APBB2: variants seen among roughly 807,000 people sequenced by gnomAD.
APBB2 encodes the protein amyloid beta precursor protein binding family B member 2.
A neutral mutation model predicts 82.5 loss-of-function variants in APBB2; 38 were observed. The observed-to-expected ratio is 0.46, with a 90% CI of 0.36 to 0.60. The LOEUF is 0.60. APBB2 is among the 20% of genes least tolerant of loss of function. APBB2 has a pLI of 0.00. For missense variants in APBB2, 772 were observed against 972.3 expected (o/e 0.79, Z 2.74); for synonymous variants, 341 against 368.2 (o/e 0.93, Z 0.85).
In APBB2 at chr4:41,062,242, G is replaced by A. The variant is rs541812340; in HGVS notation, c.-51+3334C>T. ...GGCTGGAGTGCAATGCCACAATCCTGGCTCACTGCAACCTCCGCCTCCCAG... is the reference window on the plus strand; with the variant it reads ...GGCTGGAGTGCAATGCCACAATCCTAGCTCACTGCAACCTCCGCCTCCCAG... On this transcript the variant is annotated intron_variant, in intron 4 of 17. Transcript: ENST00000508593. Among the ~76,000 whole-genome samples, 3 of 152,020 alleles carry A rather than the reference G, an allele frequency of 2.0e-5. No homozygotes were observed. In the East Asian group the frequency reaches 5.8e-4, roughly 29 times the overall value.
At chr4:41,113,910 G>C (rs1750066662) in intron 2 of APBB2, 1 of 152,126 alleles carries the variant, frequency 6.6e-6, no homozygotes. Flanking sequence ...CCAACATGGT[G>C]AACCCTGTCT....
intron 12 of APBB2, among the ~76,000 whole-genome samples, chr4:40,859,895 C>T (rs1385990186): frequency 6.6e-6 from 1 of 152,168 alleles, no homozygotes; most frequent in Non-Finnish European, 1.5e-5. Flanking sequence ...ATGCTCTTCC[C>T]TGCACTGCTC....
chr4:41,014,505 G>A, intron 5 of APBB2, 107 bp from the exon 6 acceptor site: 1 of 1,037,572 alleles, frequency 9.6e-7, no homozygotes. Context: ...TGCTTCCACT[G>A]CACATACATT....
intron 6 of APBB2, among the ~76,000 whole-genome samples, chr4:41,006,495 G>A (rs957474032): frequency 6.6e-6 from 1 of 151,798 alleles, no homozygotes; most frequent in African/African-American, 2.4e-5. Flanking sequence ...ATGGAGTCTC[G>A]CTGTGTTGTC....
chr4:40,874,324 G>A (rs183904125), intron 12 of APBB2, among the ~76,000 whole-genome samples: 21 of 152,256 alleles, frequency 1.4e-4, no homozygotes, highest in African/African-American at 4.8e-4. Flanking sequence ...AAATCTAAAA[G>A]AAATCTGCAT....
chr4:41,055,817 G>A (rs905362326), intron 4 of APBB2, among the ~76,000 whole-genome samples: 15 of 152,222 alleles, frequency 9.9e-5, no homozygotes, highest in Non-Finnish European at 1.8e-4. Context: ...CTATGTAACA[G>A]AGTTGTAGTG....
At chr4:40,959,017 A>C (rs1416990507) in intron 6 of APBB2, among the ~76,000 whole-genome samples, 1 of 152,164 alleles carries the variant, frequency 6.6e-6, no homozygotes. Flanking sequence ...CCACCTAATG[A>C]GTGACAGCAA....
chr4:40,870,200 G>A (rs892755935), intron 12 of APBB2, among the ~76,000 whole-genome samples: 5 of 152,130 alleles, frequency 3.3e-5, no homozygotes, highest in African/African-American at 1.2e-4. Context: ...GGGAGGAAAT[G>A]CTCCAGGAAT....
rs1449721083 is a variant in APBB2 at position 41,127,149 on chromosome 4, C to T, written c.-261+15838G>A. On this transcript the variant is annotated intron_variant, in intron 2 of 17. Coordinates refer to ENST00000508593, the MANE Select transcript of APBB2 (RefSeq NM_004307.2). The surrounding 1 kb of genome is among the most constrained non-coding windows in gnomAD (Gnocchi z 4.8). The stretch of plus-strand genomic sequence containing the variant: ...GAAAGGATACTACATTCTACAATGT[C>T]CCAATGACACCCTGATTTTGATTAC... Among the ~76,000 whole-genome samples, 1 of 152,054 alleles carries T rather than the reference C, an allele frequency of 6.6e-6. No individual in the cohort carries two copies. The highest frequency in any genetic ancestry group is 2.4e-5 in the African/African-American group (1 of 41,394).
At chr4:41,130,294 A>G (rs1755605956) in intron 2 of APBB2, among the ~76,000 whole-genome samples, 1 of 152,208 alleles carries the variant, frequency 6.6e-6, no homozygotes, top group Non-Finnish European at 1.5e-5. Flanking sequence ...ATTATCAATG[A>G]AAAGAATGGA....
chr4:40,877,182 A>G (rs1767142385), intron 12 of APBB2, among the ~76,000 whole-genome samples: 1 of 152,244 alleles, frequency 6.6e-6, no homozygotes, highest in African/African-American at 2.4e-5. Context: ...AGCTTTGAAA[A>G]TGGGGTCAGG....
chr4:40,848,655 C>T (rs1228935418), intron 12 of APBB2, among the ~76,000 whole-genome samples: 1 of 152,220 alleles, frequency 6.6e-6, no homozygotes, highest in Non-Finnish European at 1.5e-5. Context: ...CTTTCATCAT[C>T]TGCTCAGTAG....
chr4:41,186,956 T>C (rs991348735), intron 1 of APBB2, among the ~76,000 whole-genome samples: 2 of 152,204 alleles, frequency 1.3e-5, no homozygotes, highest in Non-Finnish European at 2.9e-5. Context: ...TTAAGATGCA[T>C]AGCAACAAAG....
At chr4:41,140,564 A>G (rs1758825047) in intron 2 of APBB2, among the ~76,000 whole-genome samples, 1 of 152,184 alleles carries the variant, frequency 6.6e-6, no homozygotes, top group Non-Finnish European at 1.5e-5. Flanking sequence ...AGTCATGTGA[A>G]TACTTATCTG....
At chr4:40,873,057 C>T (rs1034429708) in intron 12 of APBB2, among the ~76,000 whole-genome samples, 12 of 145,674 alleles carry the variant, frequency 8.2e-5, no homozygotes, top group Non-Finnish European at 1.6e-4. Context: ...CACTGTACTC[C>T]AGCCTGGGCG....
chr4:41,124,648 G>T (rs1457761153), intron 2 of APBB2, among the ~76,000 whole-genome samples: 1 of 152,130 alleles, frequency 6.6e-6, no homozygotes, highest in Non-Finnish European at 1.5e-5. Context: ...GGCTATTTTT[G>T]TCTTGATAAA....
At chr4:41,106,990 CA>C (rs1382094879) in intron 2 of APBB2, among the ~76,000 whole-genome samples, 1 of 151,326 alleles carries the variant, frequency 6.6e-6, no homozygotes, top group Admixed American at 6.6e-5. Flanking sequence ...TCCTCATAGC[CA>C]AAAGTGGGGC....
At chr4:41,192,815 T>C (rs1404715149) in intron 1 of APBB2, among the ~76,000 whole-genome samples, 1 of 152,198 alleles carries the variant, frequency 6.6e-6, no homozygotes, top group African/African-American at 2.4e-5. Flanking sequence ...ATGATGGATA[T>C]GTTAATTTGG....
chr4:41,077,356 A>C (rs1261813680), intron 3 of APBB2, among the ~76,000 whole-genome samples: 1 of 151,982 alleles, frequency 6.6e-6, no homozygotes, highest in Non-Finnish European at 1.5e-5. Flanking sequence ...AAAATCCAAG[A>C]GTTCCAGCAT....
Sources: allele counts gnomAD v4.1 joint callset (sites outside exome capture counted in the v4.1 genomes callset), GRCh38; gene constraint gnomAD v4.1.1; non-coding constraint Gnocchi (gnomAD v3.1); transcripts MANE v1.5; gene names NCBI Gene and HGNC (gene_info 2026-07-23, HGNC 2026-07-21).